NCALD: variants seen among roughly 807,000 people sequenced by gnomAD.
NCALD encodes the protein neurocalcin delta.
Under a neutral mutation model 18.6 loss-of-function variants are expected in NCALD, and 10 were observed. That is an observed-to-expected ratio of 0.54 (90% CI 0.33 to 0.91). NCALD has a LOEUF of 0.91. Ranked by LOEUF, NCALD falls within the 40% of genes least tolerant of loss-of-function variation. The probability of loss-of-function intolerance (pLI) is 0.03; values close to 1 mark genes in which losing one functional copy is unlikely to be tolerated. For synonymous variants in NCALD, 88 were observed against 87.4 expected (o/e 1.01, Z -0.04); for missense variants, 184 against 247.6 (o/e 0.74, Z 1.72).
intron 3 of NCALD, among the ~76,000 whole-genome samples, chr8:101,888,968 G>A (rs552826794): frequency 2.6e-5 from 4 of 152,236 alleles, no homozygotes; most frequent in African/African-American, 9.6e-5. Flanking sequence ...TTTGTCCAGG[G>A]CAGGAATTTG....
chr8:101,709,685 G>A (rs1335734120), intron 2 of NCALD, among the ~76,000 whole-genome samples: 1 of 152,194 alleles, frequency 6.6e-6, no homozygotes, highest in Non-Finnish European at 1.5e-5. Flanking sequence ...TTGCTTGCTT[G>A]GTTGATCCCT....
At chr8:101,770,532 C>A (rs185556795) in intron 1 of NCALD, among the ~76,000 whole-genome samples, 15 of 152,276 alleles carry the variant, frequency 9.9e-5, no homozygotes, top group Admixed American at 7.8e-4. Context: ...CCTGGGGGGG[C>A]TTCCTGCAAA....
chr8:101,934,984 T>G (rs564927085), intron 2 of NCALD, among the ~76,000 whole-genome samples: 2 of 152,108 alleles, frequency 1.3e-5, no homozygotes, highest in South Asian at 4.2e-4. Context: ...AGAAAAACAT[T>G]GTAAAAGTAG....
At chr8:101,756,492 G>C (rs1810887353) in intron 1 of NCALD, among the ~76,000 whole-genome samples, 1 of 152,246 alleles carries the variant, frequency 6.6e-6, no homozygotes, top group East Asian at 1.9e-4. Context: ...TGAAAAGCAA[G>C]TGCAGGGTAG....
chr8:101,860,455 G>A (rs1334505826), intron 4 of NCALD, among the ~76,000 whole-genome samples: 4 of 152,140 alleles, frequency 2.6e-5, no homozygotes, highest in Non-Finnish European at 5.9e-5. Flanking sequence ...ACAGCTCCAA[G>A]AAACACATGA....
At chr8:102,112,174 G>A (rs1456172836) in intron 1 of NCALD, among the ~76,000 whole-genome samples, 1 of 152,138 alleles carries the variant, frequency 6.6e-6, no homozygotes, top group Non-Finnish European at 1.5e-5. Context: ...CTGGTATTAA[G>A]AACAGCAGCA....
intron 2 of NCALD, among the ~76,000 whole-genome samples, chr8:101,958,896 G>A (rs908528859): frequency 6.6e-6 from 1 of 152,140 alleles, no homozygotes; most frequent in African/African-American, 2.4e-5. Context: ...CAGAAAAGTT[G>A]CAGAAACAGC....
chr8:102,038,874 C>T (rs895265375), intron 1 of NCALD, among the ~76,000 whole-genome samples: 2 of 152,078 alleles, frequency 1.3e-5, no homozygotes, highest in Admixed American at 1.3e-4. Flanking sequence ...CTAGTCACTC[C>T]ATACTAGCCA....
At chr8:101,860,764 A>C (rs753941062) in intron 4 of NCALD, among the ~76,000 whole-genome samples, 9 of 152,140 alleles carry the variant, frequency 5.9e-5, no homozygotes, top group Non-Finnish European at 1.3e-4. Context: ...TGGGGGAATG[A>C]GAGGAGCTAA....
rs140949507 is a variant in NCALD at position 101,954,654 on chromosome 8, C to A, written c.-156-38796G>T. On this transcript the variant is annotated intron_variant, in intron 2 of 6. Transcript: ENST00000311028. ...AAGGGAGGAGAAGAGAGGATTGAGG[C>A]CAGAGTTCTCTTTCCACAGCACTCC... Among the ~76,000 whole-genome samples, 627 of 152,232 alleles carry A rather than the reference C, an allele frequency of 4.1e-3. 9 individuals are homozygous for A. Among genetic ancestry groups the A allele is most frequent in the African/African-American group, 0.014 (597 of 41,544 alleles).
At chr8:101,784,845 A>G (rs1191144970) in intron 1 of NCALD, among the ~76,000 whole-genome samples, 1 of 152,160 alleles carries the variant, frequency 6.6e-6, no homozygotes, top group East Asian at 1.9e-4. Context: ...TTGTAAGGCT[A>G]TTTTTGAATA....
At position 101,796,510 on chromosome 8, in the gene NCALD, A is replaced by T. The variant is rs1203949903; in HGVS notation, c.-19-76862T>A. Among the ~76,000 whole-genome samples the T allele has an allele frequency of 2.6e-5, 4 of 152,228 alleles. No individual in the cohort carries two copies. The South Asian group carries it at 8.3e-4, about 31-fold the overall frequency. ...AAATTTTAAAAAAGGAAAATATTAA[A>T]ATTAAGTCACTAAAAAATACAATGG... is the stretch of plus-strand genomic sequence containing the variant. On this transcript the variant is annotated intron_variant, in intron 4 of 6. Coordinates refer to the NCALD transcript ENST00000311028.
chr8:101,925,775 C>T (rs1217576597), intron 2 of NCALD, among the ~76,000 whole-genome samples: 2 of 152,090 alleles, frequency 1.3e-5, no homozygotes, highest in African/African-American at 4.8e-5. Flanking sequence ...CTTCACACAG[C>T]ATTTGACTAA....
At chr8:101,716,676 T>C (rs1816101482) in intron 2 of NCALD, among the ~76,000 whole-genome samples, 1 of 152,128 alleles carries the variant, frequency 6.6e-6, no homozygotes, top group Admixed American at 6.5e-5. Flanking sequence ...CACATCCAAG[T>C]CCCTGAAACC....
chr8:101,720,792 T>C (rs768127247), intron 1 of NCALD, among the ~76,000 whole-genome samples: 2 of 152,250 alleles, frequency 1.3e-5, no homozygotes, highest in Admixed American at 6.5e-5. Flanking sequence ...GCTTCTCATT[T>C]ATAGTGCTTT....
chr8:102,039,270 G>A (rs10098815), intron 1 of NCALD, among the ~76,000 whole-genome samples: 26,751 of 151,894 alleles, frequency 0.18, 2,470 homozygotes, highest in Non-Finnish European at 0.19. Flanking sequence ...TTAAGCCAAA[G>A]CCCCAAAATT....
At chr8:101,874,919 G>A (rs1234638737) in intron 4 of NCALD, among the ~76,000 whole-genome samples, 4 of 152,104 alleles carry the variant, frequency 2.6e-5, no homozygotes, top group African/African-American at 7.2e-5. Flanking sequence ...AAAGAGAAAG[G>A]AGAGGAATCA....
chr8:101,839,775 A>G (rs1814564697), intron 4 of NCALD, among the ~76,000 whole-genome samples: 1 of 152,168 alleles, frequency 6.6e-6, no homozygotes. Flanking sequence ...CCTTATGTCA[A>G]TCATGGCACC....
chr8:101,790,388 G>A (rs1051626502), intron 1 of NCALD, among the ~76,000 whole-genome samples: 18 of 152,118 alleles, frequency 1.2e-4, no homozygotes, highest in African/African-American at 2.4e-4. Flanking sequence ...GTTATTTCCC[G>A]TGGTTCCTAT....
Sources: allele counts gnomAD v4.1 joint callset (sites outside exome capture counted in the v4.1 genomes callset), GRCh38; gene constraint gnomAD v4.1.1; transcripts MANE v1.5; gene names NCBI Gene and HGNC (gene_info 2026-07-23, HGNC 2026-07-21).